MRAP2: variants seen among roughly 807,000 people sequenced by gnomAD.
MRAP2 encodes the protein melanocortin 2 receptor accessory protein 2.
MRAP2 carries 20 observed loss-of-function variants against 17.4 expected under a neutral mutation model. The observed-to-expected ratio is 1.15, with a 90% confidence interval of 0.81 to 1.67. MRAP2 has a LOEUF of 1.67. Among genes scored for constraint, MRAP2 ranks in the 40% most tolerant of loss-of-function variants. The pLI is 0.00. For missense variants in MRAP2, 238 were observed against 240.0 expected (o/e 0.99, Z 0.05); for synonymous variants, 96 against 88.4 (o/e 1.09, Z -0.48).
At chr6:84,120,482 G>A in the MRAP2 span, among the ~76,000 whole-genome samples, 1 of 152,022 alleles carries the variant, frequency 6.6e-6, no homozygotes, top group Non-Finnish European at 1.5e-5. Flanking sequence ...TTCTCATCCT[G>A]GCCCCTAAGT....
intron 2 of MRAP2, chr6:84,062,644 G>A (rs188233020): frequency 1.9e-4 from 185 of 985,386 alleles, no homozygotes; most frequent in Non-Finnish European, 2.1e-4. Context: ...CCTTCCTTGA[G>A]ATATGGAAAG....
At chr6:84,051,065 C>T (rs1044276588) in intron 1 of MRAP2, among the ~76,000 whole-genome samples, 2 of 152,200 alleles carry the variant, frequency 1.3e-5, no homozygotes, top group Admixed American at 1.3e-4. Context: ...ACTTGTAAAA[C>T]TCATCTGCTG....
chr6:84,064,509 A>G (rs1459215730), intron 3 of MRAP2, among the ~76,000 whole-genome samples: 1 of 151,946 alleles, frequency 6.6e-6, no homozygotes, highest in Non-Finnish European at 1.5e-5. Context: ...GTTTTTTGAG[A>G]CGGAGTCTTG....
chr6:84,110,520 G>C, the MRAP2 span, among the ~76,000 whole-genome samples: 19,531 of 151,636 alleles, frequency 0.13, 2,303 homozygotes, highest in African/African-American at 0.31. Context: ...GATTTTCTAC[G>C]ATAGATTGCA....
the MRAP2 span, chr6:84,126,361 A>C: frequency 1.3e-6 from 2 of 1,558,924 alleles, no homozygotes; most frequent in Non-Finnish European, 1.7e-6. Flanking sequence ...TAAATATGTA[A>C]ATGTGATTTA....
chr6:84,120,074 C>T, the MRAP2 span, among the ~76,000 whole-genome samples: 1 of 152,118 alleles, frequency 6.6e-6, no homozygotes, highest in South Asian at 2.1e-4. Context: ...AGTCCAACAG[C>T]CTGAGAACCT....
rs1411529769 is a variant in MRAP2, at chr6:84,033,831, G to T, written c.-60G>T. ...GGCGGCGGCGCTCGCGCACCTCGGAGGAGCCAGGAGCCGGAACCAGGGCCG... is the reference window on the plus strand; with the variant it reads ...GGCGGCGGCGCTCGCGCACCTCGGATGAGCCAGGAGCCGGAACCAGGGCCG... On this transcript the variant is annotated 5_prime_UTR_variant, in exon 1 of 4. In the 5' UTR this introduces an upstream ATG that the reference lacks. Coordinates refer to ENST00000257776, the MANE Select transcript of MRAP2 (RefSeq NM_138409.4). The T allele has an allele frequency of 2.0e-6, 2 of 977,606 alleles. No individual in the cohort carries two copies. The highest frequency in any genetic ancestry group is 2.4e-6 in the Non-Finnish European group (2 of 831,122). 60.6% of individuals were successfully genotyped at this position (977,606 alleles called of 1,614,324 possible). A position where few individuals can be genotyped will look rare whatever the true frequency, so the allele number is the denominator to read the frequency against.
chr6:84,058,495 C>G (rs955815138), intron 2 of MRAP2, among the ~76,000 whole-genome samples: 6 of 151,936 alleles, frequency 3.9e-5, no homozygotes, highest in Non-Finnish European at 8.8e-5. Context: ...ACCCCAGGAG[C>G]TCTGTTTTGG....
chr6:84,102,512 G>A, the MRAP2 span, among the ~76,000 whole-genome samples: 1 of 152,202 alleles, frequency 6.6e-6, no homozygotes, highest in Non-Finnish European at 1.5e-5. Flanking sequence ...GAAAAGGCAA[G>A]AAAACAGATT....
downstream of MRAP2, among the ~76,000 whole-genome samples, chr6:84,092,599 G>A (rs1474693216): frequency 6.6e-6 from 1 of 152,088 alleles, no homozygotes. Context: ...ATACAATGAT[G>A]TGACCGACAT....
chr6:84,058,099 G>A, intron 2 of MRAP2, among the ~76,000 whole-genome samples: 1 of 149,680 alleles, frequency 6.7e-6, no homozygotes, highest in East Asian at 1.9e-4. Context: ...TAAGGACTTT[G>A]TTTGGCCTTT....
chr6:84,067,306 C>T (rs781711495), intron 3 of MRAP2, among the ~76,000 whole-genome samples: 1 of 152,132 alleles, frequency 6.6e-6, no homozygotes, highest in Non-Finnish European at 1.5e-5. Context: ...GTTGGTTCCA[C>T]AATTTTGCAA....
chr6:84,068,671 A>G (rs1167204468), intron 3 of MRAP2, among the ~76,000 whole-genome samples: 1 of 144,122 alleles, frequency 6.9e-6, no homozygotes, highest in Non-Finnish European at 1.5e-5. Context: ...TTTTGCAGAT[A>G]TTGTAAAAGG....
At position 84,074,697 on chromosome 6, in the gene MRAP2, G is replaced by A. The variant is rs138738322; in HGVS notation, c.227+11705G>A. On this transcript the variant is annotated intron_variant, in intron 3 of 3. Transcript: ENST00000257776. ...ATCTTCCCTGCATAGCCAAGATTTT[G>A]CCTGAGAATCATTTTCAAAACAGAT... 5.9e-3 allele frequency among the ~76,000 whole-genome samples: 893 copies of A among 152,262 alleles called. 5 individuals carry two copies. Among genetic ancestry groups the A allele is most frequent in the African/African-American group, 0.021 (861 of 41,548 alleles).
intron 2 of MRAP2, chr6:84,061,649 A>G: frequency 5.4e-6 from 2 of 369,576 alleles, no homozygotes; most frequent in Non-Finnish European, 7.5e-6. Context: ...TGTTCCAGCC[A>G]GGTAGTGGTA....
chr6:84,033,665 C>A, upstream of MRAP2: 1 of 984,948 alleles, frequency 1.0e-6, no homozygotes, highest in Non-Finnish European at 1.2e-6. Flanking sequence ...AGGCGGCTCT[C>A]GCGCTGGGGA....
rs1162068455 is a variant in MRAP2 at position 84,089,453 on chromosome 6, C to T, written c.590C>T (p.Ser197Phe). 6.2e-7 allele frequency: 1 copy of T among 1,613,674 alleles called. No homozygotes were observed. The highest frequency in any genetic ancestry group is 8.5e-7 in the Non-Finnish European group (1 of 1,179,872). Residue 197 changes from serine (S) to phenylalanine (F), a missense_variant, in exon 4 of 4, where the codon TCC becomes TTC. Transcript: ENST00000257776. Reference sequence around the variant, plus strand: ...ATTGTTCTGGAAACTAAGCCACTTTCCCAGACCTCACACAAAGACCTGGAT... The same window carrying T: ...ATTGTTCTGGAAACTAAGCCACTTTTCCAGACCTCACACAAAGACCTGGAT... ...PPIVLETKPLSQTSHKDLD is the reference protein window; with the variant it reads ...PPIVLETKPLFQTSHKDLD
intron 3 of MRAP2, among the ~76,000 whole-genome samples, chr6:84,081,721 C>T (rs186774483): frequency 1.1e-4 from 16 of 152,078 alleles, no homozygotes; most frequent in Non-Finnish European, 1.6e-4. Flanking sequence ...TGGGAGGCTG[C>T]GGCAGGAGGA....
the MRAP2 span, among the ~76,000 whole-genome samples, chr6:84,098,591 A>G: frequency 6.6e-6 from 1 of 152,166 alleles, no homozygotes; most frequent in African/African-American, 2.4e-5. Context: ...CTCATAGTGT[A>G]TGTGAATTCT....
Sources: gnomAD v4.1 joint callset for allele counts (sites outside exome capture counted in the v4.1 genomes callset) on GRCh38, gnomAD v4.1.1 for gene constraint, MANE v1.5 for transcripts, NCBI Gene and HGNC (gene_info 2026-07-23, HGNC 2026-07-21) for gene names.